HSPA4L: variants seen among roughly 807,000 people sequenced by gnomAD.
HSPA4L encodes the protein heat shock 70 kDa protein 4L.
In HSPA4L, 48 loss-of-function variants were observed where a neutral mutation model predicts 100.3. The observed-to-expected ratio is 0.48, with a 90% CI of 0.38 to 0.61. The LOEUF (loss-of-function observed/expected upper bound fraction) is 0.61. HSPA4L is among the 20% of genes least tolerant of loss of function. HSPA4L has a pLI of 0.00. For missense variants in HSPA4L, 886 were observed against 988.6 expected, an observed-to-expected ratio of 0.90 and a Z score of 1.39; for synonymous variants, 319 against 328.2, an observed-to-expected ratio of 0.97 and a Z score of 0.30.
chr4:127,801,634 A>T (rs535777747), intron 5 of HSPA4L, 151 bp from the exon 6 acceptor site: 1 of 599,966 alleles, frequency 1.7e-6, no homozygotes, highest in South Asian at 3.3e-5. Flanking sequence ...AAGTTAAAGC[A>T]TTATTAACCG....
Position 127,835,604 on chromosome 4 carries a change from C to T in HSPA4L, c.*2730C>T, listed in dbSNP as rs1296773288. ...TGTAATCTCAGCTACCCGGGAGGCT[C>T]AGGCAGGAGAATCGCTGGAACCCAG... On this transcript the variant is annotated 3_prime_UTR_variant, in exon 19 of 19. Coordinates refer to ENST00000296464, the MANE Select transcript of HSPA4L (RefSeq NM_014278.4). 1 of 151,826 alleles carries T rather than the reference C, an allele frequency of 6.6e-6. No individual in the cohort carries two copies. The highest frequency in any genetic ancestry group is 1.5e-5 in the Non-Finnish European group (1 of 68,014). 9.4% of individuals were successfully genotyped at this position (151,826 alleles called of 1,614,324 possible).
At chr4:127,820,097 C>T (rs1733768880) in intron 13 of HSPA4L, among the ~76,000 whole-genome samples, 1 of 152,102 alleles carries the variant, frequency 6.6e-6, no homozygotes, top group Non-Finnish European at 1.5e-5. Context: ...ATGGCTGCAA[C>T]ATTTTACAAT....
rs1732632729 is a variant in HSPA4L at position 127,783,673 on chromosome 4, A to G, written c.107+1016A>G. The G allele has an allele frequency of 2.0e-6, 3 of 1,535,430 alleles. No homozygotes were observed. In the East Asian group the frequency reaches 7.3e-5, roughly 38 times the overall value. ...CTGTATGAAACCTATATTACTTTTTATGGAAAGGTAATTTGGCATCTTAAT... is the reference window on the plus strand; with the variant it reads ...CTGTATGAAACCTATATTACTTTTTGTGGAAAGGTAATTTGGCATCTTAAT... On this transcript the variant is annotated intron_variant, in intron 1 of 18. Transcript: ENST00000296464.
chr4:127,835,242 G>A lies in HSPA4L; in HGVS notation c.*2368G>A, dbSNP rs1734176988. 6.6e-6 allele frequency: 1 copy of A among 152,106 alleles called. No homozygotes were observed. Among genetic ancestry groups the A allele is most frequent in the African/African-American group, 2.4e-5 (1 of 41,430 alleles). 9.4% of individuals were successfully genotyped at this position (152,106 alleles called of 1,614,324 possible). A position where few individuals can be genotyped will look rare whatever the true frequency, so the allele number is the denominator to read the frequency against. On this transcript the variant is annotated 3_prime_UTR_variant, in exon 19 of 19. Transcript: ENST00000296464. Reference sequence around the variant, plus strand: ...TAAGCAAATAAGAATGAAGTTTGTAGGGAATATTTGGAATGATTAATATAA... The same window carrying A: ...TAAGCAAATAAGAATGAAGTTTGTAAGGAATATTTGGAATGATTAATATAA...
At chr4:127,827,830 T>A (rs571376989) in intron 17 of HSPA4L, among the ~76,000 whole-genome samples, 9 of 152,122 alleles carry the variant, frequency 5.9e-5, no homozygotes, top group Non-Finnish European at 1.2e-4. Flanking sequence ...ATTTTTCTTT[T>A]AGTTGCTTTT....
At chr4:127,818,891 A>T (rs969217082) in intron 13 of HSPA4L, among the ~76,000 whole-genome samples, 3 of 152,152 alleles carry the variant, frequency 2.0e-5, no homozygotes, top group African/African-American at 7.2e-5. Flanking sequence ...TTTAAAAAAA[A>T]AAAAAGGAAA....
Position 127,832,922 on chromosome 4 carries a change from G to A in HSPA4L, c.*48G>A. 7.2e-7 allele frequency: 1 copy of A among 1,387,290 alleles called. No individual in the cohort carries two copies. Among genetic ancestry groups the A allele is most frequent in the Non-Finnish European group, 9.8e-7 (1 of 1,015,398 alleles). The allele number at this position is 1,387,290 out of a possible 1,614,324, so 85.9% of individuals were successfully genotyped here. A position where few individuals can be genotyped will look rare whatever the true frequency, so the allele number is the denominator to read the frequency against. ...AATTCAAACCGTGCAAGTAACCACGGGGTCCATCTTTTACATCTGGTACAC... is the reference window on the plus strand; with the variant it reads ...AATTCAAACCGTGCAAGTAACCACGAGGTCCATCTTTTACATCTGGTACAC... On this transcript the variant is annotated 3_prime_UTR_variant, in exon 19 of 19. Coordinates refer to ENST00000296464, the MANE Select transcript of HSPA4L (RefSeq NM_014278.4).
rs1734214103 is a variant in HSPA4L at position 127,836,446 on chromosome 4, T to G, written c.*3572T>G. On this transcript the variant is annotated 3_prime_UTR_variant, in exon 19 of 19. Coordinates refer to ENST00000296464, the MANE Select transcript of HSPA4L (RefSeq NM_014278.4). The stretch of plus-strand genomic sequence containing the variant: ...GCTAAAGGAAAGAATTAAAGGTTTC[T>G]TATGCTTTTTTGGGGGGGGGTGTCA... The G allele has an allele frequency of 6.6e-6, 1 of 150,542 alleles. No individual in the cohort carries two copies. Among genetic ancestry groups the G allele is most frequent in the South Asian group, 2.1e-4 (1 of 4,784 alleles). The allele number at this position is 150,542 out of a possible 1,614,324, so 9.3% of individuals were successfully genotyped here.
intron 3 of HSPA4L, 32 bp downstream of exon 3, chr4:127,795,940 A>T: frequency 1.2e-6 from 2 of 1,602,054 alleles, no homozygotes; most frequent in South Asian, 2.2e-5. Flanking sequence ...TTACAAACAT[A>T]TCTTCAAATT....
In HSPA4L at chr4:127,794,093, G is replaced by C. The variant is rs1240714254; in HGVS notation, c.124G>C (p.Gly42Arg). 4 of 1,609,798 alleles carry C rather than the reference G, an allele frequency of 2.5e-6. No homozygotes were observed. The highest frequency in any genetic ancestry group is 3.4e-6 in the Non-Finnish European group (4 of 1,177,426). Residue 42 changes from glycine to arginine, a missense_variant, in exon 2 of 19, where the codon GGA becomes CGA. Coordinates refer to ENST00000296464, the MANE Select transcript of HSPA4L (RefSeq NM_014278.4). Reference protein sequence around the residue: ...DRCTPACISLGSRTRAIGNAA... With the variant: ...DRCTPACISLRSRTRAIGNAA... ...CTGGTTTAGGGCCTGTATATCATTGGGATCAAGAACTCGAGCCATTGGAAA... is the reference window on the plus strand; with the variant it reads ...CTGGTTTAGGGCCTGTATATCATTGCGATCAAGAACTCGAGCCATTGGAAA...
intron 11 of HSPA4L, among the ~76,000 whole-genome samples, chr4:127,810,819 G>C (rs1477699604): frequency 1.3e-5 from 2 of 151,812 alleles, no homozygotes; most frequent in East Asian, 3.9e-4. Context: ...CAGGTGGGGG[G>C]CAAAATTTAA....
intron 12 of HSPA4L, among the ~76,000 whole-genome samples, chr4:127,813,733 C>T (rs1329810476): frequency 6.6e-6 from 1 of 152,190 alleles, no homozygotes; most frequent in Non-Finnish European, 1.5e-5. Context: ...ACCTCTGCCT[C>T]CTGGGTTCAA....
At chr4:127,815,627 A>G (rs1733652399) in intron 12 of HSPA4L, among the ~76,000 whole-genome samples, 1 of 151,740 alleles carries the variant, frequency 6.6e-6, no homozygotes, top group Non-Finnish European at 1.5e-5. Flanking sequence ...TTATCTTTTT[A>G]TTTACTTCTA....
chr4:127,783,894 C>CT (rs1732638899), intron 1 of HSPA4L, among the ~76,000 whole-genome samples: 1 of 151,962 alleles, frequency 6.6e-6, no homozygotes, highest in Non-Finnish European at 1.5e-5. Context: ...GGTTTTATAC[C>CT]TTTTTTCGTA....
At chr4:127,827,998 G>C (rs1315681309) in intron 17 of HSPA4L, among the ~76,000 whole-genome samples, 1 of 151,902 alleles carries the variant, frequency 6.6e-6, no homozygotes, top group Non-Finnish European at 1.5e-5. Context: ...AGAAAATTAA[G>C]CTTATTGTTT....
chr4:127,784,706 T>C (rs1413193011), intron 1 of HSPA4L, among the ~76,000 whole-genome samples: 1 of 152,264 alleles, frequency 6.6e-6, no homozygotes, highest in African/African-American at 2.4e-5. Flanking sequence ...CACTATGTAT[T>C]ACTTTGTGGG....
chr4:127,802,205 G>C (rs1025559216), intron 6 of HSPA4L, among the ~76,000 whole-genome samples: 11 of 152,056 alleles, frequency 7.2e-5, no homozygotes, highest in Non-Finnish European at 1.3e-4. Flanking sequence ...CTATTGTTAG[G>C]TTGTTAAGTC....
intron 1 of HSPA4L, among the ~76,000 whole-genome samples, chr4:127,789,096 C>T (rs151265258): frequency 6.6e-6 from 1 of 152,240 alleles, no homozygotes; most frequent in East Asian, 1.9e-4. Flanking sequence ...TGTATTTTCT[C>T]CAACCTAATT....
chr4:127,803,965 C>A, intron 7 of HSPA4L, 46 bp from the exon 8 acceptor site: 1 of 1,607,964 alleles, frequency 6.2e-7, no homozygotes, highest in South Asian at 1.1e-5. Context: ...AAGATACGCT[C>A]AACTTTTAAT....
Sources: allele counts gnomAD v4.1 joint callset (sites outside exome capture counted in the v4.1 genomes callset), GRCh38; gene constraint gnomAD v4.1.1; transcripts MANE v1.5; gene names NCBI Gene and HGNC (gene_info 2026-07-23, HGNC 2026-07-21).